CNNM2: variants seen among roughly 807,000 people sequenced by gnomAD.
CNNM2 encodes metal transporter CNNM2.
Under a neutral mutation model 66.9 loss-of-function variants are expected in CNNM2, and 12 were observed. The ratio of observed to expected loss-of-function variants is 0.18; its 90% confidence interval spans 0.11 to 0.29. The LOEUF is 0.29. Among genes scored for constraint, CNNM2 ranks in the 10% least tolerant of loss-of-function variants. The probability of loss-of-function intolerance (pLI) is 1.00; values close to 1 mark genes in which losing one functional copy is unlikely to be tolerated. For synonymous variants in CNNM2, 557 were observed against 501.8 expected (o/e 1.11, Z -1.47); for missense variants, 705 against 1,167.7 (o/e 0.60, Z 5.77).
chr10:103,049,727 G>A lies in CNNM2; in HGVS notation c.1642G>A (p.Val548Met), dbSNP rs1043614377. The change falls in exon 2 of 8, where the codon GTG becomes ATG. Residue 548 changes from valine to methionine, a missense_variant. This residue lies in a region of CNNM2 where 171 missense variants were observed against 304.8 expected (regional missense o/e 0.56). Transcript: ENST00000369878. ...TAAAGGTAAATCTCACCTGGCTATC[G>A]TGCAGCGGGTAAACAATGAGGGAGA... ...FKKGKSHLAI[V>M]QRVNNEGEGD... The A allele has an allele frequency of 1.2e-6, 2 of 1,613,752 alleles. No homozygotes were observed. The highest frequency in any genetic ancestry group is 8.5e-7 in the Non-Finnish European group (1 of 1,179,792).
chr10:102,962,124 A>C (rs956910095), intron 1 of CNNM2, among the ~76,000 whole-genome samples: 1 of 152,162 alleles, frequency 6.6e-6, no homozygotes, highest in African/African-American at 2.4e-5. Flanking sequence ...AAATGAGGAC[A>C]CATGGACAAA....
At chr10:103,070,330 C>T (rs1712193582) in intron 5 of CNNM2, among the ~76,000 whole-genome samples, 1 of 152,032 alleles carries the variant, frequency 6.6e-6, no homozygotes, top group African/African-American at 2.4e-5. Flanking sequence ...GAGCGAGGCC[C>T]TTGGTCTCAT....
At chr10:102,981,659 C>A (rs530079283) in intron 1 of CNNM2, among the ~76,000 whole-genome samples, 4 of 151,964 alleles carry the variant, frequency 2.6e-5, no homozygotes, top group Non-Finnish European at 5.9e-5. Context: ...TCCCAACGTG[C>A]TGGGATTATA....
Position 102,976,611 on chromosome 10 carries a change from A to ATTTTTTTTTTTTTT in CNNM2, c.1621+56525_1621+56538dup, listed in dbSNP as rs66498944. Among the ~76,000 whole-genome samples, 106 of 59,436 alleles carry ATTTTTTTTTTTTTT rather than the reference A, an allele frequency of 1.8e-3. 5 individuals are homozygous for ATTTTTTTTTTTTTT. Among genetic ancestry groups the ATTTTTTTTTTTTTT allele is most frequent in the African/African-American group, 3.0e-3 (38 of 12,654 alleles). The allele number at this position is 59,436 out of a possible 152,430, so 39.0% of individuals were successfully genotyped here. On this transcript the variant is annotated intron_variant, in intron 1 of 7. Transcript: ENST00000369878. ...CAGGTGTGCGCCACACGCCCAGGTA[A>ATTTTTTTTTTTTTT]TTTTTTTTTTTTTTTTTTTTTTTTT...
Position 103,089,961 on chromosome 10 carries a change from TC to T in CNNM2, c.*12785del. ...AAAGCAGGCAGAGCAAAGTAGCTAC[TC>T]CCCAAATCCTAACCCCTCTCCTCTG... On this transcript the variant is annotated 3_prime_UTR_variant, in exon 8 of 8. Coordinates refer to ENST00000369878, the MANE Select transcript of CNNM2 (RefSeq NM_017649.5). The T allele has an allele frequency of 6.9e-7, 1 of 1,450,034 alleles. No individual in the cohort carries two copies. Among genetic ancestry groups the T allele is most frequent in the Non-Finnish European group, 9.3e-7 (1 of 1,071,026 alleles). 89.8% of individuals were successfully genotyped at this position (1,450,034 alleles called of 1,614,324 possible). A position where few individuals can be genotyped will look rare whatever the true frequency, so the allele number is the denominator to read the frequency against.
At chr10:103,062,774 A>G (rs761958545) in intron 4 of CNNM2, among the ~76,000 whole-genome samples, 25 of 152,204 alleles carry the variant, frequency 1.6e-4, no homozygotes, top group Non-Finnish European at 1.2e-4. Context: ...GAATGTTTCT[A>G]CAGTGTGTCG....
rs1419023960 is a variant in CNNM2 at position 103,049,595 on chromosome 10, A to G, written c.1622-112A>G. 4 of 1,017,164 alleles carry G rather than the reference A, an allele frequency of 3.9e-6. No homozygotes were observed. The Admixed American group carries it at 6.9e-5, about 18-fold the overall frequency. 63.0% of individuals were successfully genotyped at this position (1,017,164 alleles called of 1,614,324 possible). ...GTACCATTTTAAAATGCTGAAACAG[A>G]GATTTTGATAATTCGACATCTGTGT... On this transcript the variant is annotated intron_variant, in intron 1 of 7. Coordinates refer to ENST00000369878, the MANE Select transcript of CNNM2 (RefSeq NM_017649.5).
At position 102,919,224 on chromosome 10, in the gene CNNM2, G is replaced by A; in HGVS notation, c.744G>A (p.Glu248=). Residue 248 remains glutamate, a synonymous_variant, in exon 1 of 8, where the codon GAG becomes GAA. Transcript: ENST00000369878. ...ACACCAAGATGATCGTAGGCGAAGA[G>A]AAGAAGTTCCTGCTGCCCTTCTGGC... ...GEDTKMIVGE[E]KKFLLPFWLQ... 2 of 1,613,306 alleles carry A rather than the reference G, an allele frequency of 1.2e-6. No individual in the cohort carries two copies. Among genetic ancestry groups the A allele is most frequent in the Non-Finnish European group, 1.7e-6 (2 of 1,180,042 alleles).
intron 1 of CNNM2, among the ~76,000 whole-genome samples, chr10:102,990,079 G>T (rs2063872003): frequency 6.6e-6 from 1 of 151,784 alleles, no homozygotes; most frequent in African/African-American, 2.4e-5. Flanking sequence ...CAAGTAGCTG[G>T]GATTATAGGC....
intron 1 of CNNM2, among the ~76,000 whole-genome samples, chr10:102,945,093 C>T (rs528020234): frequency 3.3e-5 from 5 of 152,034 alleles, no homozygotes; most frequent in African/African-American, 1.2e-4. Context: ...GTATCCCCCA[C>T]AAACTCACCC....
chr10:102,981,999 A>C (rs748543331), intron 1 of CNNM2, among the ~76,000 whole-genome samples: 1 of 152,138 alleles, frequency 6.6e-6, no homozygotes, highest in Non-Finnish European at 1.5e-5. Flanking sequence ...AATGGAATGC[A>C]TAAGTGCTTT....
intron 1 of CNNM2, among the ~76,000 whole-genome samples, chr10:102,942,903 C>T (rs1846478976): frequency 6.6e-6 from 1 of 152,080 alleles, no homozygotes; most frequent in Non-Finnish European, 1.5e-5. Flanking sequence ...AACATGGTTT[C>T]AACTGTGTTT....
intron 1 of CNNM2, among the ~76,000 whole-genome samples, chr10:103,008,834 C>T (rs2064280041): frequency 6.7e-6 from 1 of 148,912 alleles, no homozygotes; most frequent in Non-Finnish European, 1.5e-5. Context: ...CAAATATGGA[C>T]TCTGAAATGC....
intron 1 of CNNM2, among the ~76,000 whole-genome samples, chr10:103,010,195 G>T (rs920464893): frequency 6.6e-6 from 1 of 151,814 alleles, no homozygotes; most frequent in Non-Finnish European, 1.5e-5. Flanking sequence ...AGAGGAAAAT[G>T]TACATTGCAA....
At chr10:103,074,888 A>C (rs1389290019) in intron 6 of CNNM2, among the ~76,000 whole-genome samples, 8 of 152,184 alleles carry the variant, frequency 5.3e-5, no homozygotes, top group Non-Finnish European at 1.0e-4. Flanking sequence ...TTCTTGGAGT[A>C]CTTATGTTTT....
intron 6 of CNNM2, among the ~76,000 whole-genome samples, chr10:103,073,937 G>A (rs1327214602): frequency 2.0e-5 from 3 of 149,218 alleles, no homozygotes; most frequent in Non-Finnish European, 4.4e-5. Context: ...GGTACCTACT[G>A]TTGTCAGATA....
chr10:102,926,573 GCT>G (rs562342481), intron 1 of CNNM2, among the ~76,000 whole-genome samples: 3 of 152,192 alleles, frequency 2.0e-5, no homozygotes, highest in Non-Finnish European at 2.9e-5. Context: ...ACAGGGTCTT[GCT>G]CTGTTACCCA....
chr10:103,075,760 C>T (rs1002157922), intron 6 of CNNM2, among the ~76,000 whole-genome samples: 2 of 152,156 alleles, frequency 1.3e-5, no homozygotes, highest in Admixed American at 6.5e-5. Flanking sequence ...GGGCCTTGGC[C>T]CAACCTCGCC....
At chr10:103,031,463 T>C (rs1301737321) in intron 1 of CNNM2, among the ~76,000 whole-genome samples, 1 of 152,202 alleles carries the variant, frequency 6.6e-6, no homozygotes, top group Non-Finnish European at 1.5e-5. Flanking sequence ...TCCAACAATG[T>C]GGATGTCACT....
Sources: allele counts gnomAD v4.1 joint callset (sites outside exome capture counted in the v4.1 genomes callset), GRCh38; gene constraint gnomAD v4.1.1; regional missense constraint gnomAD v4.1.1; transcripts MANE v1.5; gene names NCBI Gene and HGNC (gene_info 2026-07-23, HGNC 2026-07-21).